COL25A1: variants seen among roughly 807,000 people sequenced by gnomAD.
COL25A1 encodes collagen type XXV alpha 1 chain, also known as collagen alpha-1(XXV) chain.
In COL25A1, 103 loss-of-function variants were observed where a neutral mutation model predicts 128.4. The ratio of observed to expected loss-of-function variants is 0.80; its 90% CI spans 0.68 to 0.94. The LOEUF (loss-of-function observed/expected upper bound fraction) is 0.94, where lower values mean the gene tolerates loss of function less well. Among genes scored for constraint, COL25A1 ranks in the 40% least tolerant of loss-of-function variants. The pLI, the probability that COL25A1 is intolerant of heterozygous loss-of-function variation, is 0.00. For missense variants in COL25A1, 745 were observed against 840.0 expected, an observed-to-expected ratio of 0.89 and a Z score of 1.40; for synonymous variants, 279 against 277.2, an observed-to-expected ratio of 1.01 and a Z score of -0.06.
intron 8 of COL25A1, among the ~76,000 whole-genome samples, chr4:108,966,995 G>T (rs141408166): frequency 0.012 from 1,818 of 152,174 alleles, 31 homozygotes; most frequent in African/African-American, 0.042. Flanking sequence ...TTATTAATAC[G>T]TGTTCTACTA....
intron 20 of COL25A1, among the ~76,000 whole-genome samples, chr4:108,867,830 C>G (rs1427457321): frequency 6.6e-6 from 1 of 152,054 alleles, no homozygotes; most frequent in African/African-American, 2.4e-5. Flanking sequence ...CTTTTTATGT[C>G]TTTCAGGGTA....
intron 13 of COL25A1, among the ~76,000 whole-genome samples, chr4:108,914,771 G>A (rs986915765): frequency 8.1e-5 from 12 of 148,184 alleles, no homozygotes; most frequent in Non-Finnish European, 8.9e-5. Context: ...CTCCCACCTT[G>A]GCCTCCCAAA....
At chr4:109,131,538 T>C (rs1769201012) in intron 3 of COL25A1, among the ~76,000 whole-genome samples, 1 of 152,194 alleles carries the variant, frequency 6.6e-6, no homozygotes. Flanking sequence ...TCAGTGGGAA[T>C]ATACAAGGAA....
At chr4:108,921,523 T>G (rs1376982637) in intron 11 of COL25A1, among the ~76,000 whole-genome samples, 1 of 152,250 alleles carries the variant, frequency 6.6e-6, no homozygotes, top group Non-Finnish European at 1.5e-5. Context: ...TTCCATGACA[T>G]TTAACTAATG....
chr4:108,863,387 C>T lies in COL25A1; in HGVS notation c.1084G>A (p.Gly362Ser), dbSNP rs1449782342. 6.2e-7 allele frequency: 1 copy of T among 1,613,546 alleles called. No homozygotes were observed. The highest frequency in any genetic ancestry group is 1.7e-5 in the Admixed American group (1 of 59,932). Residue 362 changes from glycine to serine, a missense_variant and splice_region_variant, in exon 21 of 38, where the codon GGT becomes AGT. Physicochemically the swap from Gly to Ser is moderately conservative, Grantham distance 56 (BLOSUM62 0). Transcript: ENST00000399132. Reference sequence around the variant, plus strand: ...GGAGGCCCTGCTTCCCCCCGTTCACCCTGTCACAAATTGCAAAACAGGTAA... The same window carrying T: ...GGAGGCCCTGCTTCCCCCCGTTCACTCTGTCACAAATTGCAAAACAGGTAA... The part of the protein sequence containing the change: ...PGLPGLPGTK[G>S]ERGEAGPPGR...
intron 3 of COL25A1, among the ~76,000 whole-genome samples, chr4:109,225,125 G>A (rs939704531): frequency 1.3e-5 from 2 of 152,170 alleles, no homozygotes; most frequent in Admixed American, 6.5e-5. Context: ...CAGCTCTCAT[G>A]AGGGTTAGAC....
intron 35 of COL25A1, chr4:108,819,765 A>T: frequency 9.9e-7 from 1 of 1,012,912 alleles, no homozygotes; most frequent in Non-Finnish European, 1.3e-6. Flanking sequence ...CTCCCATCTG[A>T]TCCCCTCACA....
chr4:109,210,720 T>C (rs1777426419), intron 3 of COL25A1, among the ~76,000 whole-genome samples: 1 of 152,120 alleles, frequency 6.6e-6, no homozygotes, highest in Admixed American at 6.6e-5. Context: ...CCTGCGATAA[T>C]TAAGTGATGC....
chr4:109,251,109 A>G (rs1780617066), intron 3 of COL25A1, among the ~76,000 whole-genome samples: 1 of 152,230 alleles, frequency 6.6e-6, no homozygotes, highest in Non-Finnish European at 1.5e-5. Flanking sequence ...ATGTTACATA[A>G]TAAGGGAATA....
chr4:109,219,577 A>G (rs1004612925), intron 3 of COL25A1, among the ~76,000 whole-genome samples: 1 of 152,140 alleles, frequency 6.6e-6, no homozygotes, highest in African/African-American at 2.4e-5. Context: ...AAAGCTGGGC[A>G]TGAGTTCTGT....
chr4:108,846,956 A>G (rs1228531014), intron 27 of COL25A1, among the ~76,000 whole-genome samples: 1 of 142,432 alleles, frequency 7.0e-6, no homozygotes, highest in Non-Finnish European at 1.5e-5. Context: ...CCCAGGCTGG[A>G]CCGCAATGGT....
At chr4:109,028,139 C>T (rs1648046) in intron 5 of COL25A1, among the ~76,000 whole-genome samples, 75,133 of 152,068 alleles carry the variant, frequency 0.49, 20,391 homozygotes, top group African/African-American at 0.71. Flanking sequence ...TTCATTCATT[C>T]ACTGAGACAG....
At chr4:108,861,679 A>C (rs549526258) in intron 22 of COL25A1, among the ~76,000 whole-genome samples, 1 of 152,214 alleles carries the variant, frequency 6.6e-6, no homozygotes, top group South Asian at 2.1e-4. Flanking sequence ...GGAATAGTCC[A>C]AGCCCTCAAA....
At chr4:109,164,687 G>A (rs190686781) in intron 3 of COL25A1, among the ~76,000 whole-genome samples, 67 of 152,232 alleles carry the variant, frequency 4.4e-4, no homozygotes, top group Admixed American at 1.0e-3. Flanking sequence ...TTTATAAAAG[G>A]ATAGGACCAA....
chr4:108,822,584 A>C (rs80299638), intron 35 of COL25A1, among the ~76,000 whole-genome samples: 409 of 151,696 alleles, frequency 2.7e-3, no homozygotes, highest in Non-Finnish European at 4.5e-3. Context: ...GCCCCACCAT[A>C]TTTTTTTATT....
At chr4:108,879,818 TA>T (rs1229388793) in intron 19 of COL25A1, among the ~76,000 whole-genome samples, 2 of 150,990 alleles carry the variant, frequency 1.3e-5, no homozygotes, top group East Asian at 2.0e-4. Context: ...TTTATTTATT[TA>T]TTTTTTTGAG....
rs1378572105 is a variant in COL25A1, at chr4:108,869,086, A to G, written c.1083+2T>C. 1.9e-6 allele frequency: 3 copies of G among 1,562,292 alleles called. No individual in the cohort carries two copies. Among genetic ancestry groups the G allele is most frequent in the Non-Finnish European group, 2.6e-6 (3 of 1,153,894 alleles). On this transcript the variant is annotated splice_donor_variant, in intron 20 of 37. Coordinates refer to ENST00000399132, the MANE Select transcript of COL25A1 (RefSeq NM_198721.4). LOFTEE classifies it high-confidence loss of function. ...AAGAAGGAAAGAAAGAGGCCCACTT[A>G]CTTTTGTTCCTGGTAAACCTGGTAA...
chr4:109,067,280 GACTC>G (rs1345491863), intron 3 of COL25A1, among the ~76,000 whole-genome samples: 2 of 152,080 alleles, frequency 1.3e-5, no homozygotes, highest in African/African-American at 4.8e-5. Context: ...CCTTTCATCT[GACTC>G]ACTATAGAAA....
At chr4:109,203,981 A>G (rs1398053491) in intron 3 of COL25A1, among the ~76,000 whole-genome samples, 1 of 152,200 alleles carries the variant, frequency 6.6e-6, no homozygotes, top group Non-Finnish European at 1.5e-5. Flanking sequence ...CAGGAATAAC[A>G]GAATAAAATC....
Sources: allele counts gnomAD v4.1 joint callset (sites outside exome capture counted in the v4.1 genomes callset), GRCh38; gene constraint gnomAD v4.1.1; transcripts MANE v1.5; gene names NCBI Gene and HGNC (gene_info 2026-07-23, HGNC 2026-07-21).